Variants in ZSCAN5B observed in about 807,000 individuals in gnomAD.
ZSCAN5B encodes the protein zinc finger and SCAN domain containing 5B.
ZSCAN5B carries 26 observed loss-of-function variants against 25.2 expected under a neutral mutation model. The ratio of observed to expected loss-of-function variants is 1.03; its 90% CI spans 0.76 to 1.43. The LOEUF is 1.43. Ranked by LOEUF, ZSCAN5B falls within the 40% of genes most tolerant of loss-of-function variation. The probability of loss-of-function intolerance (pLI) is 0.00; values close to 1 mark genes in which losing one functional copy is unlikely to be tolerated. For missense variants in ZSCAN5B, 745 were observed against 622.1 expected (o/e 1.20, Z -2.10); for synonymous variants, 244 against 240.9 (o/e 1.01, Z -0.12).
At chr19:56,190,263 GCCT>G (rs2032709896) in exon 5 of ZSCAN5B, 3 of 1,614,068 alleles carry the variant, frequency 1.9e-6, no homozygotes, top group Non-Finnish European at 2.5e-6. Flanking sequence ...GGGCGGCAGG[GCCT>G]TGGCTTCTTG....
At chr19:56,196,325 TAC>T (rs1256662942) in intron 1 of ZSCAN5B, among the ~76,000 whole-genome samples, 1 of 152,156 alleles carries the variant, frequency 6.6e-6, no homozygotes, top group Non-Finnish European at 1.5e-5. Context: ...GTGCTGGGAT[TAC>T]AGGTGTGAGC....
Position 56,192,926 on chromosome 19 carries a change from A to T in ZSCAN5B, c.127T>A (p.Trp43Arg), listed in dbSNP as rs766142573. Residue 43 changes from tryptophan to arginine, a missense_variant, in exon 2 of 5, where the codon TGG becomes AGG. By Grantham distance (101) the Trp-to-Arg change is moderately radical (BLOSUM62 -3). Coordinates refer to ENST00000586855, the Ensembl canonical transcript of ZSCAN5B. Reference sequence around the variant, plus strand: ...CTGAACATCCTGAAATTCATGTGCCAAGTCTCAGGGTTCCTGTCGTGATTT... The same window carrying T: ...CTGAACATCCTGAAATTCATGTGCCTAGTCTCAGGGTTCCTGTCGTGATTT... 30 of 1,614,076 alleles carry T rather than the reference A, an allele frequency of 1.9e-5. No individual in the cohort carries two copies. Among genetic ancestry groups the T allele is most frequent in the Non-Finnish European group, 2.4e-5 (28 of 1,179,980 alleles).
chr19:56,192,860 G>A (rs2032756777), exon 2 of ZSCAN5B: 2 of 1,614,014 alleles, frequency 1.2e-6, no homozygotes, highest in Non-Finnish European at 1.7e-6. Flanking sequence ...AGCTCAGTGA[G>A]TTTCCTCAGA....
intron 1 of ZSCAN5B, among the ~76,000 whole-genome samples, chr19:56,193,956 CAAAAAAAA>C (rs34181873): frequency 4.9e-5 from 6 of 123,668 alleles, no homozygotes; most frequent in African/African-American, 1.9e-4. Context: ...GACTCCATCT[CAAAAAAAA>C]AAAAAAAAAA....
chr19:56,191,107 T>A, intron 3 of ZSCAN5B, 120 bp from the exon 4 acceptor site: 1 of 1,337,708 alleles, frequency 7.5e-7, no homozygotes, highest in Non-Finnish European at 1.0e-6. Context: ...TCACCCCAAG[T>A]AAACATCACC....
At chr19:56,190,227 G>A (rs558592538) in exon 5 of ZSCAN5B, 2 of 1,614,060 alleles carry the variant, frequency 1.2e-6, no homozygotes, top group Admixed American at 3.3e-5. Context: ...ATACTTAAAT[G>A]ATTTATTGCA....
At chr19:56,193,380 G>C (rs1195312928) in intron 1 of ZSCAN5B, among the ~76,000 whole-genome samples, 1 of 152,058 alleles carries the variant, frequency 6.6e-6, no homozygotes, top group Non-Finnish European at 1.5e-5. Context: ...TGATCTCTAG[G>C]GGATCATTGT....
intron 1 of ZSCAN5B, among the ~76,000 whole-genome samples, chr19:56,194,218 C>T (rs1400436251): frequency 6.6e-6 from 1 of 152,004 alleles, no homozygotes; most frequent in Non-Finnish European, 1.5e-5. Context: ...GGGAGTTTCT[C>T]TGTTCCTTAT....
chr19:56,193,551 T>C (rs983012826), intron 1 of ZSCAN5B, among the ~76,000 whole-genome samples: 3 of 152,216 alleles, frequency 2.0e-5, no homozygotes, highest in Non-Finnish European at 4.4e-5. Context: ...CCCTTAGTCA[T>C]AATTATGTAA....
chr19:56,191,930 TCA>T lies in ZSCAN5B; in HGVS notation c.506_507del (p.Val169GlufsTer38). 1 of 1,614,030 alleles carries T rather than the reference TCA, an allele frequency of 6.2e-7. No individual in the cohort carries two copies. Among genetic ancestry groups the T allele is most frequent in the Non-Finnish European group, 8.5e-7 (1 of 1,179,974 alleles). On this transcript the variant is annotated frameshift_variant, in exon 3 of 5. Coordinates refer to ENST00000586855, the Ensembl canonical transcript of ZSCAN5B. LOFTEE classifies it high-confidence loss of function. ...TGGCCTGTCCCCGGATGCATCTGGTTCACAGAGGAGGCCCACTGGCTGGACAC... is the reference window on the plus strand; with the variant it reads ...TGGCCTGTCCCCGGATGCATCTGGTTCAGAGGAGGCCCACTGGCTGGACAC...
At chr19:56,195,291 A>G (rs1253056827) in intron 1 of ZSCAN5B, among the ~76,000 whole-genome samples, 1 of 152,158 alleles carries the variant, frequency 6.6e-6, no homozygotes, top group South Asian at 2.1e-4. Context: ...ACTCCTCCAG[A>G]GCGAGAAAAC....
intron 1 of ZSCAN5B, among the ~76,000 whole-genome samples, chr19:56,194,188 C>G (rs2032777934): frequency 6.6e-6 from 1 of 152,042 alleles, no homozygotes; most frequent in Non-Finnish European, 1.5e-5. Context: ...CTGGCCATCA[C>G]TAATCTGCTT....
chr19:56,195,106 A>G (rs2032793919), intron 1 of ZSCAN5B, among the ~76,000 whole-genome samples: 1 of 152,214 alleles, frequency 6.6e-6, no homozygotes, highest in Admixed American at 6.5e-5. Flanking sequence ...AGGAAAGGTC[A>G]CTGGAAGCCT....
At chr19:56,196,951 G>A (rs967184483) in intron 1 of ZSCAN5B, among the ~76,000 whole-genome samples, 1 of 152,070 alleles carries the variant, frequency 6.6e-6, no homozygotes, top group African/African-American at 2.4e-5. Context: ...ACCAGACTGG[G>A]CAAAGCAGCG....
At chr19:56,194,128 C>T (rs1417215628) in intron 1 of ZSCAN5B, among the ~76,000 whole-genome samples, 3 of 152,074 alleles carry the variant, frequency 2.0e-5, no homozygotes, top group South Asian at 2.1e-4. Flanking sequence ...CAAAAGAGAA[C>T]GCCATCCCCA....
chr19:56,191,019 CGT>C, intron 3 of ZSCAN5B, 32 bp from the exon 4 acceptor site: 1 of 1,613,718 alleles, frequency 6.2e-7, no homozygotes, highest in Non-Finnish European at 8.5e-7. Context: ...CAATGACTGC[CGT>C]GTCTATACTG....
intron 1 of ZSCAN5B, among the ~76,000 whole-genome samples, chr19:56,195,250 A>G (rs7247243): frequency 0.28 from 42,159 of 151,098 alleles, 6,043 homozygotes; most frequent in Middle Eastern, 0.46. Flanking sequence ...CACATCTCAC[A>G]GGGCTCCTGT....
At chr19:56,197,134 C>G (rs896709559) in intron 1 of ZSCAN5B, among the ~76,000 whole-genome samples, 1 of 152,024 alleles carries the variant, frequency 6.6e-6, no homozygotes, top group Non-Finnish European at 1.5e-5. Flanking sequence ...GAAACAAAAC[C>G]TAACCATGAT....
intron 4 of ZSCAN5B, 41 bp downstream of exon 4, chr19:56,190,796 G>T: frequency 1.9e-6 from 3 of 1,598,790 alleles, no homozygotes; most frequent in Non-Finnish European, 2.6e-6. Flanking sequence ...CACCCCAGAA[G>T]AGAGGGACTA....
Sources: allele counts gnomAD v4.1 joint callset (sites outside exome capture counted in the v4.1 genomes callset), GRCh38; gene constraint gnomAD v4.1.1; transcripts MANE v1.5; gene names NCBI Gene and HGNC (gene_info 2026-07-23, HGNC 2026-07-21).